The following MOV10L1 variants were observed in gnomAD, a reference collection of about 807,000 sequenced individuals.
MOV10L1 encodes RNA helicase Mov10l1.
In MOV10L1, 110 loss-of-function variants were observed where a neutral mutation model predicts 143.8. That is an observed-to-expected ratio of 0.76 (90% CI 0.66 to 0.90). The LOEUF is 0.90. MOV10L1 is among the 40% of genes least tolerant of loss of function. MOV10L1 has a pLI of 0.00. For synonymous variants in MOV10L1, 593 were observed against 581.1 expected, an observed-to-expected ratio of 1.02 and a Z score of -0.29; for missense variants, 1,406 against 1,526.8, an observed-to-expected ratio of 0.92 and a Z score of 1.32.
At chr22:50,134,456 C>CAT (rs2062765009) in intron 14 of MOV10L1, 74 bp from the exon 15 acceptor site, 1 of 1,222,520 alleles carries the variant, frequency 8.2e-7, no homozygotes, top group African/African-American at 1.5e-5. Flanking sequence ...TAGGGTCAGC[C>CAT]ATAAACAACC....
intron 2 of MOV10L1, chr22:50,092,791 C>T (rs892949891): frequency 1.3e-5 from 2 of 152,268 alleles, no homozygotes; most frequent in Admixed American, 6.5e-5. Context: ...TAATGGTTAT[C>T]ACCAAAGTAA....
In MOV10L1 at chr22:50,153,140, C is replaced by G; in HGVS notation, c.2988C>G (p.Asp996Glu). ...FYHRELEVCA[D>E]PTVVTSLLGW... ...ACAGGGAACTCGAGGTCTGTGCGGA[C>G]CCCACAGTGGTGACCTCCTTGCTGG... The change falls in exon 22 of 27, where the codon GAC (aspartate) becomes GAG (glutamate). Residue 996 changes from aspartate to glutamate, a missense_variant. By Grantham distance (45) the Asp-to-Glu change is conservative (BLOSUM62 2). Around this residue, in one of 3 missense-constraint regions of MOV10L1, gnomAD observed 1,233 missense variants for 1,351.4 expected, o/e 0.91. Transcript: ENST00000262794. The G allele has an allele frequency of 6.2e-7, 1 of 1,614,106 alleles. No homozygotes were observed. The highest frequency in any genetic ancestry group is 8.5e-7 in the Non-Finnish European group (1 of 1,179,974).
intron 25 of MOV10L1, 49 bp downstream of exon 25, chr22:50,160,874 T>G (rs954077423): frequency 1.9e-6 from 3 of 1,613,074 alleles, no homozygotes; most frequent in Middle Eastern, 3.3e-4. Flanking sequence ...GGAGGGAGGG[T>G]CCGGGTCACT....
rs564754568 is a variant in MOV10L1, at chr22:50,160,807, C to T, written c.3444C>T (p.Asn1148=). The T allele has an allele frequency of 6.2e-7, 1 of 1,613,994 alleles. No individual in the cohort carries two copies. Among genetic ancestry groups the T allele is most frequent in the South Asian group, 1.1e-5 (1 of 91,064 alleles). Residue 1148 remains asparagine (N), a synonymous_variant, in exon 25 of 27, where the codon AAC becomes AAT. Coordinates refer to ENST00000262794, the MANE Select transcript of MOV10L1 (RefSeq NM_018995.3). ...AAGCTTTGCTGATAGTGCTGGGAAA[C>T]CCCCATGTTCTCGTTCGAGTGAGTT... is the stretch of plus-strand genomic sequence containing the variant. The part of the protein sequence containing the change: ...RPKALLIVLG[N]PHVLVRDPCF...
chr22:50,135,569 G>A (rs905348908), intron 15 of MOV10L1, among the ~76,000 whole-genome samples: 44 of 151,680 alleles, frequency 2.9e-4, no homozygotes, highest in Non-Finnish European at 5.2e-4. Flanking sequence ...TGGCCAAGAT[G>A]GTGAAACCCC....
At chr22:50,138,264 G>C (rs777618900) in intron 15 of MOV10L1, among the ~76,000 whole-genome samples, 1 of 152,196 alleles carries the variant, frequency 6.6e-6, no homozygotes, top group Non-Finnish European at 1.5e-5. Flanking sequence ...ACAGGCATCC[G>C]CATCCTGTAG....
Position 50,092,068 on chromosome 22 carries a change from T to A in MOV10L1, c.165T>A (p.Asp55Glu). The change falls in exon 2 of 27, where the codon GAT (aspartate) becomes GAA (glutamate). Residue 55 changes from aspartate to glutamate, a missense_variant. Coordinates refer to ENST00000262794, the MANE Select transcript of MOV10L1 (RefSeq NM_018995.3). ...TRYCSDYGMI[D>E]DMIYFSSDAV... ...ACTGCAGCGATTATGGCATGATTGA[T>A]GATATGATCTACTTCTCCAGTGATG... is the stretch of plus-strand genomic sequence containing the variant. 3 of 1,614,176 alleles carry A rather than the reference T, an allele frequency of 1.9e-6. No individual in the cohort carries two copies. The highest frequency in any genetic ancestry group is 2.5e-6 in the Non-Finnish European group (3 of 1,180,010).
chr22:50,101,791 C>T lies in MOV10L1; in HGVS notation c.442+2189C>T, dbSNP rs534418243. Among the ~76,000 whole-genome samples the T allele has an allele frequency of 2.8e-5, 4 of 141,080 alleles. No homozygotes were observed. The East Asian group carries it at 7.7e-4, about 27-fold the overall frequency. The allele number at this position is 141,080 out of a possible 152,430, so 92.6% of individuals were successfully genotyped here. A position where few individuals can be genotyped will look rare whatever the true frequency, so the allele number is the denominator to read the frequency against. On this transcript the variant is annotated intron_variant, in intron 3 of 26. Coordinates refer to ENST00000262794, the MANE Select transcript of MOV10L1 (RefSeq NM_018995.3). ...CCTCCCAAAGTGCTGGGATTATAGGCATGAACCACTGTGCCCAGCCTTGAC... is the reference window on the plus strand; with the variant it reads ...CCTCCCAAAGTGCTGGGATTATAGGTATGAACCACTGTGCCCAGCCTTGAC...
intron 8 of MOV10L1, among the ~76,000 whole-genome samples, chr22:50,115,568 C>T (rs2062150972): frequency 1.3e-5 from 2 of 152,156 alleles, no homozygotes; most frequent in Admixed American, 1.3e-4. Context: ...CAAAAAGGTA[C>T]ACCTGACGTT....
At chr22:50,093,847 T>G (rs1173648888) in intron 2 of MOV10L1, 2 of 152,190 alleles carry the variant, frequency 1.3e-5, no homozygotes, top group African/African-American at 4.8e-5. Flanking sequence ...CTGCCTGGAA[T>G]TTATTTGGGT....
chr22:50,119,972 G>T (rs886154393), intron 9 of MOV10L1, among the ~76,000 whole-genome samples: 2 of 151,874 alleles, frequency 1.3e-5, no homozygotes, highest in African/African-American at 4.8e-5. Context: ...CATTGTTTCT[G>T]TTGCCGCATT....
At chr22:50,142,008 G>C in intron 15 of MOV10L1, 73 bp from the exon 16 acceptor site, 1 of 1,221,128 alleles carries the variant, frequency 8.2e-7, no homozygotes, top group Non-Finnish European at 1.2e-6. Context: ...AGATGTTTAC[G>C]TTTGCTCTTT....
chr22:50,116,817 G>A (rs1046532869), intron 8 of MOV10L1, among the ~76,000 whole-genome samples: 4 of 151,640 alleles, frequency 2.6e-5, no homozygotes, highest in Admixed American at 6.6e-5. Context: ...CTCCATGTCC[G>A]GCTAATTTGT....
intron 12 of MOV10L1, among the ~76,000 whole-genome samples, chr22:50,127,775 T>TC (rs953996613): frequency 7.0e-6 from 1 of 142,210 alleles, no homozygotes; most frequent in Admixed American, 7.7e-5. Flanking sequence ...TGACTGTTTT[T>TC]TTTGTTTTTT....
At chr22:50,108,068 G>A in intron 3 of MOV10L1, 68 bp from the exon 4 acceptor site, 1 of 1,381,618 alleles carries the variant, frequency 7.2e-7, no homozygotes, top group East Asian at 2.3e-5. Flanking sequence ...AATGATTTCA[G>A]TGCACCATGA....
chr22:50,099,749 G>A lies in MOV10L1; in HGVS notation c.442+147G>A, dbSNP rs969022597. ...GATCGCTTGAGCCCAGGAGTTGGAGGCTGCAGTGAGCTATGATCCAGCCAC... is the reference window on the plus strand; with the variant it reads ...GATCGCTTGAGCCCAGGAGTTGGAGACTGCAGTGAGCTATGATCCAGCCAC... On this transcript the variant is annotated intron_variant, in intron 3 of 26. Coordinates refer to ENST00000262794, the MANE Select transcript of MOV10L1 (RefSeq NM_018995.3). The A allele has an allele frequency of 1.3e-4, 117 of 875,672 alleles. No homozygotes were observed. The Middle Eastern group carries it at 2.8e-3, about 21-fold the overall frequency. The allele number at this position is 875,672 out of a possible 1,614,324, so 54.2% of individuals were successfully genotyped here.
chr22:50,119,680 G>A (rs2062283590), intron 9 of MOV10L1, among the ~76,000 whole-genome samples: 1 of 149,744 alleles, frequency 6.7e-6, no homozygotes, highest in Non-Finnish European at 1.5e-5. Flanking sequence ...TGTGAGCGCT[G>A]ACATAACCCT....
At chr22:50,106,990 C>CGCGCTTGGCCT (rs2061887103) in intron 3 of MOV10L1, among the ~76,000 whole-genome samples, 4 of 151,440 alleles carry the variant, frequency 2.6e-5, no homozygotes, top group African/African-American at 9.7e-5. Flanking sequence ...CGTGAGCCAC[C>CGCGCTTGGCCT]ATGCCCGGCC....
chr22:50,145,619 C>T, intron 18 of MOV10L1, 70 bp from the exon 19 acceptor site: 1 of 1,589,436 alleles, frequency 6.3e-7, no homozygotes, highest in Non-Finnish European at 8.6e-7. Flanking sequence ...GGTACCAGGG[C>T]AAGGTTCCCT....
Sources: gnomAD v4.1 joint callset for allele counts (sites outside exome capture counted in the v4.1 genomes callset) on GRCh38, gnomAD v4.1.1 for gene constraint, gnomAD v4.1.1 regional missense constraint, MANE v1.5 for transcripts, NCBI Gene and HGNC (gene_info 2026-07-23, HGNC 2026-07-21) for gene names.